PAG1: variants seen among roughly 807,000 people sequenced by gnomAD.
PAG1 encodes the protein phosphoprotein associated with glycosphingolipid-enriched microdomains 1.
PAG1 carries 23 observed loss-of-function variants against 31.7 expected under a neutral mutation model. That is an observed-to-expected ratio of 0.73 (90% CI 0.52 to 1.03). PAG1 has a LOEUF of 1.03. Among genes scored for constraint, PAG1 ranks in the 50% least tolerant of loss-of-function variants. PAG1 has a pLI of 0.00. For missense variants in PAG1, 473 were observed against 540.7 expected, an observed-to-expected ratio of 0.87 and a Z score of 1.24; for synonymous variants, 214 against 210.3, an observed-to-expected ratio of 1.02 and a Z score of -0.15.
At chr8:81,094,340 G>C (rs1261521133) in intron 1 of PAG1, among the ~76,000 whole-genome samples, 1 of 152,144 alleles carries the variant, frequency 6.6e-6, no homozygotes, top group African/African-American at 2.4e-5. Context: ...GTGTTTTCAA[G>C]CCAGCTTTTA....
At position 80,975,869 on chromosome 8, in the gene PAG1, T is replaced by G. The variant is rs1364827622; in HGVS notation, c.*675A>C. The G allele has an allele frequency of 6.6e-6, 1 of 152,062 alleles. No individual in the cohort carries two copies. Among genetic ancestry groups the G allele is most frequent in the Non-Finnish European group, 1.5e-5 (1 of 68,006 alleles). 9.4% of individuals were successfully genotyped at this position (152,062 alleles called of 1,614,324 possible). ...AGGCTGCTGATATCGAATGCCAAAATAAGAAGGAACAAAGACAGAAGAGAC... is the reference window on the plus strand; with the variant it reads ...AGGCTGCTGATATCGAATGCCAAAAGAAGAAGGAACAAAGACAGAAGAGAC... On this transcript the variant is annotated 3_prime_UTR_variant, in exon 9 of 9. Transcript: ENST00000220597.
At chr8:81,089,023 T>C (rs1473283340) in intron 1 of PAG1, among the ~76,000 whole-genome samples, 2 of 152,250 alleles carry the variant, frequency 1.3e-5, no homozygotes, top group East Asian at 3.8e-4. Flanking sequence ...TTTATCACAA[T>C]GCTTTTAAGA....
At chr8:80,992,392 C>T (rs1396101976) in intron 4 of PAG1, among the ~76,000 whole-genome samples, 1 of 152,220 alleles carries the variant, frequency 6.6e-6, no homozygotes, top group Non-Finnish European at 1.5e-5. Context: ...TTGGACAGGG[C>T]TGGCTGACGG....
intron 3 of PAG1, among the ~76,000 whole-genome samples, chr8:81,011,807 G>A (rs958686970): frequency 7.2e-5 from 11 of 152,212 alleles, no homozygotes; most frequent in Middle Eastern, 3.2e-3. Context: ...CAGAGAAGGC[G>A]TTTTGCAGCC....
At chr8:81,013,233 A>C (rs917396351) in intron 3 of PAG1, among the ~76,000 whole-genome samples, 1 of 152,066 alleles carries the variant, frequency 6.6e-6, no homozygotes, top group Non-Finnish European at 1.5e-5. Flanking sequence ...TCTTTTCCTG[A>C]TTTTGCTGCA....
intron 1 of PAG1, among the ~76,000 whole-genome samples, chr8:81,100,995 C>T (rs56827627): frequency 0.015 from 2,301 of 152,248 alleles, 51 homozygotes; most frequent in African/African-American, 0.051. Flanking sequence ...TTTGAAAATG[C>T]TATTGAATAT....
intron 1 of PAG1, among the ~76,000 whole-genome samples, chr8:81,107,011 A>T (rs925223577): frequency 1.3e-5 from 2 of 152,032 alleles, no homozygotes; most frequent in East Asian, 3.9e-4. Flanking sequence ...TTTTTCTTTT[A>T]AATCACCCAA....
chr8:81,023,595 G>T (rs1032563600), intron 3 of PAG1, among the ~76,000 whole-genome samples: 1 of 149,866 alleles, frequency 6.7e-6, no homozygotes, highest in Non-Finnish European at 1.5e-5. Context: ...ACAATGTAAG[G>T]AGAGAGAGAG....
At chr8:81,089,801 C>G (rs1809417610) in intron 1 of PAG1, among the ~76,000 whole-genome samples, 1 of 152,124 alleles carries the variant, frequency 6.6e-6, no homozygotes, top group Non-Finnish European at 1.5e-5. Flanking sequence ...CCTCTGCTTG[C>G]ATGACATGCA....
At chr8:81,097,149 G>C (rs976202102) in intron 1 of PAG1, among the ~76,000 whole-genome samples, 3 of 152,136 alleles carry the variant, frequency 2.0e-5, no homozygotes, top group Non-Finnish European at 4.4e-5. Flanking sequence ...CCAAGGTTGG[G>C]GCCCCACCCC....
rs1807010864 is a variant in PAG1 at position 80,968,538 on chromosome 8, C to G, written c.*8006G>C. On this transcript the variant is annotated 3_prime_UTR_variant, in exon 9 of 9. Transcript: ENST00000220597. The stretch of plus-strand genomic sequence containing the variant: ...TTCACCCATAAAAATTTTTGAAATA[C>G]TATGAGCAAGATACAAACATTCTGG... The G allele has an allele frequency of 6.6e-6, 1 of 152,114 alleles. No homozygotes were observed. The highest frequency in any genetic ancestry group is 2.1e-4 in the South Asian group (1 of 4,824). 9.4% of individuals were successfully genotyped at this position (152,114 alleles called of 1,614,324 possible).
At chr8:81,021,199 T>C (rs529581885) in intron 3 of PAG1, among the ~76,000 whole-genome samples, 11 of 152,354 alleles carry the variant, frequency 7.2e-5, no homozygotes, top group South Asian at 4.1e-4. Flanking sequence ...GTAGAAGACA[T>C]TGACAACAGG....
At chr8:81,045,360 C>T (rs1351785579) in intron 2 of PAG1, among the ~76,000 whole-genome samples, 3 of 152,122 alleles carry the variant, frequency 2.0e-5, no homozygotes, top group African/African-American at 4.8e-5. Flanking sequence ...TAGATTTTGC[C>T]ATCAGCTACT....
chr8:81,073,521 T>C (rs1241554435), intron 1 of PAG1, among the ~76,000 whole-genome samples: 1 of 152,228 alleles, frequency 6.6e-6, no homozygotes, highest in Non-Finnish European at 1.5e-5. Flanking sequence ...CCTTGTCTAT[T>C]CAAAAAGACC....
chr8:81,008,774 C>A (rs763015934), intron 3 of PAG1, among the ~76,000 whole-genome samples: 8 of 152,044 alleles, frequency 5.3e-5, no homozygotes, highest in Middle Eastern at 3.2e-3. Flanking sequence ...TCCTCCAGGA[C>A]TGCAGCTGGC....
intron 1 of PAG1, among the ~76,000 whole-genome samples, chr8:81,086,491 A>ATG (rs933183369): frequency 1.9e-4 from 29 of 151,826 alleles, no homozygotes; most frequent in African/African-American, 5.3e-4. Context: ...AAGGCAAGAA[A>ATG]TGTGTGTGTG....
chr8:81,051,993 G>A (rs1808739481), intron 2 of PAG1, among the ~76,000 whole-genome samples: 1 of 152,008 alleles, frequency 6.6e-6, no homozygotes, highest in African/African-American at 2.4e-5. Flanking sequence ...AGCCGGGCGT[G>A]GTGGTGGGCG....
rs1414602060 is a variant in PAG1, at chr8:80,973,861, A to T, written c.*2683T>A. ...CAGTAAAATATCCAGTGCTCCAAAT[A>T]GCTGAGCCATCTTTCTAAGGTTCAC... On this transcript the variant is annotated 3_prime_UTR_variant, in exon 9 of 9. Coordinates refer to ENST00000220597, the MANE Select transcript of PAG1 (RefSeq NM_018440.4). 6.6e-6 allele frequency: 1 copy of T among 152,224 alleles called. No individual in the cohort carries two copies. The highest frequency in any genetic ancestry group is 1.5e-5 in the Non-Finnish European group (1 of 68,054). 9.4% of individuals were successfully genotyped at this position (152,224 alleles called of 1,614,324 possible). A position where few individuals can be genotyped will look rare whatever the true frequency, so the allele number is the denominator to read the frequency against.
intron 2 of PAG1, among the ~76,000 whole-genome samples, chr8:81,044,111 C>T (rs537117022): frequency 4.6e-5 from 7 of 152,306 alleles, no homozygotes; most frequent in Admixed American, 2.0e-4. Flanking sequence ...AAGTGACTTT[C>T]TAAAATGCAA....
Sources: allele counts gnomAD v4.1 joint callset (sites outside exome capture counted in the v4.1 genomes callset), GRCh38; gene constraint gnomAD v4.1.1; transcripts MANE v1.5; gene names NCBI Gene and HGNC (gene_info 2026-07-23, HGNC 2026-07-21).